PCOLCE: variants seen among roughly 807,000 people sequenced by gnomAD.
The protein encoded by PCOLCE is procollagen C-endopeptidase enhancer 1.
A neutral mutation model predicts 47.2 loss-of-function variants in PCOLCE; 33 were observed. The observed-to-expected ratio is 0.70, with a 90% CI of 0.53 to 0.93. The LOEUF is 0.93. Among genes scored for constraint, PCOLCE ranks in the 40% least tolerant of loss-of-function variants. The probability of loss-of-function intolerance (pLI) is 0.00; values close to 1 mark genes in which losing one functional copy is unlikely to be tolerated. For missense variants in PCOLCE, 584 were observed against 585.3 expected (o/e 1.00, Z 0.02); for synonymous variants, 254 against 252.5 (o/e 1.01, Z -0.06).
chr7:100,603,514 T>C lies in PCOLCE; in HGVS notation c.180T>C (p.Asn60=). Residue 60 remains asparagine (N), a synonymous_variant, in exon 2 of 9, where the codon AAT becomes AAC. Transcript: ENST00000223061. ...SEGFPNLYPP[N]KECIWTITVP... is the part of the protein sequence containing the mutation. The stretch of plus-strand genomic sequence containing the variant: ...GGTTCCCCAACCTCTACCCCCCTAA[T>C]AAGGAGTGCATCTGGACCATAACGG... 1 of 1,592,976 alleles carries C rather than the reference T, an allele frequency of 6.3e-7. No individual in the cohort carries two copies. Among genetic ancestry groups the C allele is most frequent in the Non-Finnish European group, 8.6e-7 (1 of 1,165,300 alleles).
rs1802674202 is a variant in PCOLCE, at chr7:100,604,395, C to T, written c.463+178C>T. 1.6e-6 allele frequency: 1 copy of T among 624,172 alleles called. No individual in the cohort carries two copies. The highest frequency in any genetic ancestry group is 1.9e-5 in the South Asian group (1 of 52,330). The allele number at this position is 624,172 out of a possible 1,614,324, so 38.7% of individuals were successfully genotyped here. ...CAGTCCCTCCTCCCCGTCTTCTCTC[C>T]CCTCCTCCCGCACCCACCCATCCCT... On this transcript the variant is annotated intron_variant, in intron 3 of 8. Coordinates refer to ENST00000223061, the MANE Select transcript of PCOLCE (RefSeq NM_002593.4). This position sits in a 1 kb window ranked among gnomAD's most constrained non-coding sequence, Gnocchi z 6.4.
chr7:100,607,479 G>C lies in PCOLCE; in HGVS notation c.968G>C (p.Arg323Pro). The C allele has an allele frequency of 6.2e-7, 1 of 1,613,904 alleles. No homozygotes were observed. The change falls in exon 7 of 9, where the codon CGC (arginine) becomes CCC (proline). Residue 323 changes from arginine to proline, a missense_variant. Coordinates refer to ENST00000223061, the MANE Select transcript of PCOLCE (RefSeq NM_002593.4). ...PDAPTCPKQC[R>P]RTGTLQSNFC... The stretch of plus-strand genomic sequence containing the variant: ...GCACCCACCTGCCCAAAGCAGTGCC[G>C]CCGGACAGGCACCTTGCAGAGCAAC...
At position 100,605,634 on chromosome 7, in the gene PCOLCE, G is replaced by C. The variant is rs751164147; in HGVS notation, c.589-42G>C. ...GTAGGAGATGAGGTGCAGGCGCCCA[G>C]GGGTGTCCCGCCGCGCAGTCCCCGC... On this transcript the variant is annotated intron_variant, in intron 4 of 8. Coordinates refer to ENST00000223061, the MANE Select transcript of PCOLCE (RefSeq NM_002593.4). The surrounding 1 kb of genome is among the most constrained non-coding windows in gnomAD (Gnocchi z 6.1). The C allele has an allele frequency of 6.4e-7, 1 of 1,554,502 alleles. No homozygotes were observed. The highest frequency in any genetic ancestry group is 8.7e-7 in the Non-Finnish European group (1 of 1,149,420).
chr7:100,604,482 C>T lies in PCOLCE; in HGVS notation c.463+265C>T. On this transcript the variant is annotated intron_variant, in intron 3 of 8. Transcript: ENST00000223061. This position sits in a 1 kb window ranked among gnomAD's most constrained non-coding sequence, Gnocchi z 6.4. Reference sequence around the variant, plus strand: ...GTCACCGACCCGCGGGTGGAATGGGCGGCCTGGGGTTACTGGGACGGTGAG... The same window carrying T: ...GTCACCGACCCGCGGGTGGAATGGGTGGCCTGGGGTTACTGGGACGGTGAG... 1 of 581,200 alleles carries T rather than the reference C, an allele frequency of 1.7e-6. No homozygotes were observed. Among genetic ancestry groups the T allele is most frequent in the South Asian group, 1.9e-5 (1 of 52,316 alleles). The allele number at this position is 581,200 out of a possible 1,614,324, so 36.0% of individuals were successfully genotyped here. A position where few individuals can be genotyped will look rare whatever the true frequency, so the allele number is the denominator to read the frequency against.
rs1802708099 is a variant in PCOLCE, at chr7:100,605,908, C to G, written c.725+96C>G. On this transcript the variant is annotated intron_variant, in intron 5 of 8. Transcript: ENST00000223061. The surrounding 1 kb of genome is among the most constrained non-coding windows in gnomAD (Gnocchi z 6.1). Reference sequence around the variant, plus strand: ...CGGGGTTCAGCTAAAGGGACGGGATCTGAACCCCAGGGCTCCAAACCGGCG... The same window carrying G: ...CGGGGTTCAGCTAAAGGGACGGGATGTGAACCCCAGGGCTCCAAACCGGCG... 7.4e-7 allele frequency: 1 copy of G among 1,358,694 alleles called. No homozygotes were observed. Among genetic ancestry groups the G allele is most frequent in the Non-Finnish European group, 1.0e-6 (1 of 996,804 alleles). The allele number at this position is 1,358,694 out of a possible 1,614,324, so 84.2% of individuals were successfully genotyped here.
In PCOLCE at chr7:100,605,807, C is replaced by G; in HGVS notation, c.720C>G (p.Val240=). 1.3e-6 allele frequency: 2 copies of G among 1,552,204 alleles called. No individual in the cohort carries two copies. Among genetic ancestry groups the G allele is most frequent in the Non-Finnish European group, 1.7e-6 (2 of 1,147,578 alleles). Residue 240 remains valine, a synonymous_variant, in exon 5 of 9, where the codon GTC becomes GTG. Coordinates refer to ENST00000223061, the MANE Select transcript of PCOLCE (RefSeq NM_002593.4). This position sits in a 1 kb window ranked among gnomAD's most constrained non-coding sequence, Gnocchi z 6.1. ...TGGGGAAGTTCTGCGGCGACGCAGT[C>G]CCGGGGTGAGGGGCGGGACCTGGGC... is the stretch of plus-strand genomic sequence containing the variant. ...RRLGKFCGDA[V]PGSISSEGNE...
In PCOLCE at chr7:100,606,429, G is replaced by C. The variant is rs761662226; in HGVS notation, c.739G>C (p.Glu247Gln). ...GDAVPGSISS[E>Q]GNELLVQFVS... ...GGCCACCTGCAGCTCCATCTCCTCC[G>C]AAGGGAATGAACTCCTCGTCCAGTT... The change falls in exon 6 of 9, where the codon GAA (glutamate) becomes CAA (glutamine). Residue 247 changes from glutamate (E) to glutamine (Q), a missense_variant. Glu to Gln is a conservative substitution (Grantham distance 29, BLOSUM62 2). Transcript: ENST00000223061. 6.2e-7 allele frequency: 1 copy of C among 1,613,728 alleles called. No homozygotes were observed. The highest frequency in any genetic ancestry group is 2.2e-5 in the East Asian group (1 of 44,870).
intron 1 of PCOLCE, chr7:100,603,206 T>C: frequency 4.6e-6 from 2 of 439,182 alleles, no homozygotes; most frequent in East Asian, 7.7e-5. Context: ...GTTGGAGGGA[T>C]GGTCGAGTTG....
At position 100,602,529 on chromosome 7, in the gene PCOLCE, G is replaced by A. The variant is rs754666238; in HGVS notation, c.73G>A (p.Gly25Ser). The stretch of plus-strand genomic sequence containing the variant: ...CTGCGCCCTGCTGCCTTTTGCCCAG[G>A]GCCAGACCCCCAACTACACCAGGTA... ...TACALLPFAQ[G>S]QTPNYTRPVF... Residue 25 changes from glycine to serine, a missense_variant, in exon 1 of 9, where the codon GGC (glycine) becomes AGC (serine). Physicochemically the swap from Gly to Ser is moderately conservative, Grantham distance 56. Transcript: ENST00000223061. 2.5e-6 allele frequency: 4 copies of A among 1,611,248 alleles called. No individual in the cohort carries two copies. The South Asian group carries it at 4.4e-5, about 18-fold the overall frequency.
chr7:100,607,440 C>T lies in PCOLCE; in HGVS notation c.941-12C>T. 1 of 1,611,210 alleles carries T rather than the reference C, an allele frequency of 6.2e-7. No homozygotes were observed. Among genetic ancestry groups the T allele is most frequent in the Admixed American group, 1.7e-5 (1 of 59,938 alleles). On this transcript the variant is annotated splice_polypyrimidine_tract_variant and intron_variant, in intron 6 of 8. Coordinates refer to ENST00000223061, the MANE Select transcript of PCOLCE (RefSeq NM_002593.4). ...TGCTGAGCAGGTCACCCTCCACCCT[C>T]CTCCCTCCTAGATGCACCCACCTGC...
rs772071475 is a variant in PCOLCE, at chr7:100,607,639, G to C, written c.1015G>C (p.Val339Leu). 2.5e-6 allele frequency: 4 copies of C among 1,613,898 alleles called. No homozygotes were observed. The African/African-American group carries it at 4.0e-5, about 16-fold the overall frequency. ...QSNFCASSLVVTATVKSMVRE... is the reference protein window; with the variant it reads ...QSNFCASSLVLTATVKSMVRE... Reference sequence around the variant, plus strand: ...CTCTCACTCCCATTCTCCCACAGTGGTGACTGCGACAGTGAAGTCCATGGT... The same window carrying C: ...CTCTCACTCCCATTCTCCCACAGTGCTGACTGCGACAGTGAAGTCCATGGT... The change falls in exon 8 of 9, where the codon GTG (valine) becomes CTG (leucine). Residue 339 changes from valine to leucine, a missense_variant and splice_region_variant. Val to Leu is a conservative substitution (Grantham distance 32). Coordinates refer to ENST00000223061, the MANE Select transcript of PCOLCE (RefSeq NM_002593.4).
intron 5 of PCOLCE, chr7:100,606,129 G>A: frequency 1.9e-6 from 1 of 527,606 alleles, no homozygotes; most frequent in African/African-American, 1.9e-5. Flanking sequence ...AGGAATTCGA[G>A]ACCAGCCTGG....
chr7:100,604,217 G>C lies in PCOLCE; in HGVS notation c.463G>C (p.Glu155Gln). 6.2e-7 allele frequency: 1 copy of C among 1,609,194 alleles called. No homozygotes were observed. Among genetic ancestry groups the C allele is most frequent in the Non-Finnish European group, 8.5e-7 (1 of 1,179,240 alleles). ...WYSGRATSGTEHQFCGGRLEK... is the reference protein window; with the variant it reads ...WYSGRATSGTQHQFCGGRLEK... ...CAGCGGGCGGGCCACCTCGGGCACT[G>C]GTGAGAACTCCCTCACCTCCGCCTT... The change falls in exon 3 of 9, where the codon GAG becomes CAG. Residue 155 changes from glutamate (E) to glutamine (Q), a missense_variant and splice_region_variant. By Grantham distance (29) the Glu-to-Gln change is conservative (BLOSUM62 2). Coordinates refer to ENST00000223061, the MANE Select transcript of PCOLCE (RefSeq NM_002593.4). The surrounding 1 kb of genome is among the most constrained non-coding windows in gnomAD (Gnocchi z 6.4).
chr7:100,604,909 G>A lies in PCOLCE; in HGVS notation c.464-182G>A, dbSNP rs1802684688. On this transcript the variant is annotated intron_variant, in intron 3 of 8. Coordinates refer to ENST00000223061, the MANE Select transcript of PCOLCE (RefSeq NM_002593.4). This position sits in a 1 kb window ranked among gnomAD's most constrained non-coding sequence, Gnocchi z 6.4. ...GCCCTGCGGCCCCAGACTTCCCCGA[G>A]CCGCGCTCCTCCCGGCCGCTCTCTG... 3.8e-6 allele frequency: 2 copies of A among 531,778 alleles called. No homozygotes were observed. Among genetic ancestry groups the A allele is most frequent in the Non-Finnish European group, 6.7e-6 (2 of 297,594 alleles). The allele number at this position is 531,778 out of a possible 1,614,324, so 32.9% of individuals were successfully genotyped here.
chr7:100,607,746 A>C lies in PCOLCE; in HGVS notation c.1122A>C (p.Pro374=), dbSNP rs780994221. ...CTGGAGGACTGGACCTGCCTTCTCC[A>C]CCCACTGGTGCCTCCCTGAAGTTTT... The part of the protein sequence containing the change: ...YKTGGLDLPS[P]PTGASLKFYV... Residue 374 remains proline, a synonymous_variant, in exon 8 of 9, where the codon CCA becomes CCC. Transcript: ENST00000223061. 2 of 1,613,958 alleles carry C rather than the reference A, an allele frequency of 1.2e-6. No homozygotes were observed. Among genetic ancestry groups the C allele is most frequent in the Non-Finnish European group, 1.7e-6 (2 of 1,179,994 alleles).
rs745890958 is a variant in PCOLCE at position 100,604,012 on chromosome 7, G to C, written c.258G>C (p.Leu86=). The change falls in exon 3 of 9, where the codon CTG becomes CTC. Residue 86 remains leucine (L), a synonymous_variant. Transcript: ENST00000223061. The surrounding 1 kb of genome is among the most constrained non-coding windows in gnomAD (Gnocchi z 6.4). ...CATTCCGAGTCTTCGACCTGGAGCT[G>C]CACCCCGCCTGCCGCTACGATGCTC... The part of the protein sequence containing the change: ...SLSFRVFDLE[L]HPACRYDALE... The C allele has an allele frequency of 6.2e-7, 1 of 1,604,812 alleles. No homozygotes were observed. Among genetic ancestry groups the C allele is most frequent in the South Asian group, 1.1e-5 (1 of 91,084 alleles).
At chr7:100,607,566 CCTGCTT>C in intron 7 of PCOLCE, 43 bp downstream of exon 7, 1 of 1,610,374 alleles carries the variant, frequency 6.2e-7, no homozygotes, top group Non-Finnish European at 8.5e-7. Context: ...CGAACCACCT[CCTGCTT>C]CTGTTTCCAG....
At chr7:100,606,053 G>C in intron 5 of PCOLCE, 1 of 575,722 alleles carries the variant, frequency 1.7e-6, no homozygotes, top group Non-Finnish European at 3.1e-6. Context: ...ACCTGGCCAG[G>C]GGTAGTGGCT....
In PCOLCE at chr7:100,604,788, C is replaced by T; in HGVS notation, c.464-303C>T. ...CTGCAGGGCCGGGGAGATGGGATCTCCTAGGGGAAGAGGCGCGGTGCGGCC... is the reference window on the plus strand; with the variant it reads ...CTGCAGGGCCGGGGAGATGGGATCTTCTAGGGGAAGAGGCGCGGTGCGGCC... On this transcript the variant is annotated intron_variant, in intron 3 of 8. Transcript: ENST00000223061. The surrounding 1 kb of genome is among the most constrained non-coding windows in gnomAD (Gnocchi z 6.4). 2.3e-6 allele frequency: 1 copy of T among 439,288 alleles called. No individual in the cohort carries two copies. Among genetic ancestry groups the T allele is most frequent in the South Asian group, 2.9e-5 (1 of 34,082 alleles). 27.2% of individuals were successfully genotyped at this position (439,288 alleles called of 1,614,324 possible).
Sources: gnomAD v4.1 joint callset for allele counts on GRCh38, gnomAD v4.1.1 for gene constraint, Gnocchi (gnomAD v3.1) non-coding constraint, MANE v1.5 for transcripts, NCBI Gene and HGNC (gene_info 2026-07-23, HGNC 2026-07-21) for gene names.